The following CENPP variants were observed in gnomAD, a reference collection of about 807,000 sequenced individuals.
CENPP encodes centromere protein P.
CENPP carries 24 observed loss-of-function variants against 35.6 expected under a neutral mutation model. That is an observed-to-expected ratio of 0.67 (90% CI 0.49 to 0.95). The LOEUF is 0.95. Among genes scored for constraint, CENPP ranks in the 40% least tolerant of loss-of-function variants. CENPP has a pLI of 0.00. For missense variants in CENPP, 332 were observed against 345.3 expected (o/e 0.96, Z 0.31); for synonymous variants, 120 against 125.5 (o/e 0.96, Z 0.29).
At chr9:92,477,343 TG>T (rs1424926418) in intron 5 of CENPP, among the ~76,000 whole-genome samples, 1 of 152,178 alleles carries the variant, frequency 6.6e-6, no homozygotes, top group Admixed American at 6.5e-5. Flanking sequence ...TTAGGGCTGT[TG>T]TGTGGCTCCT....
At chr9:92,600,552 T>G in intron 5 of CENPP, 1 of 1,612,192 alleles carries the variant, frequency 6.2e-7, no homozygotes, top group South Asian at 1.1e-5. Flanking sequence ...CTGGGGCACA[T>G]GGAGAATGTT....
chr9:92,364,417 T>C (rs1170091637), intron 4 of CENPP, among the ~76,000 whole-genome samples: 1 of 152,210 alleles, frequency 6.6e-6, no homozygotes, highest in Non-Finnish European at 1.5e-5. Flanking sequence ...TTTTGAAAGA[T>C]ATCATTCTGG....
chr9:92,375,270 C>T (rs1380955300), intron 4 of CENPP, among the ~76,000 whole-genome samples: 1 of 151,582 alleles, frequency 6.6e-6, no homozygotes, highest in African/African-American at 2.4e-5. Flanking sequence ...TGGATAATTT[C>T]ACTTGACCTA....
intron 5 of CENPP, among the ~76,000 whole-genome samples, chr9:92,477,446 G>T (rs967577355): frequency 2.0e-5 from 3 of 152,142 alleles, no homozygotes; most frequent in African/African-American, 7.2e-5. Flanking sequence ...CTAAATCAAA[G>T]TTGGCCCCTG....
At chr9:92,334,301 A>C (rs1181385025) in intron 2 of CENPP, among the ~76,000 whole-genome samples, 1 of 151,988 alleles carries the variant, frequency 6.6e-6, no homozygotes, top group Non-Finnish European at 1.5e-5. Flanking sequence ...TTGTATTTTT[A>C]GTAGTGACGG....
At chr9:92,463,043 A>G (rs1389518174) in intron 5 of CENPP, among the ~76,000 whole-genome samples, 1 of 152,198 alleles carries the variant, frequency 6.6e-6, no homozygotes, top group African/African-American at 2.4e-5. Flanking sequence ...TCTAGGATAA[A>G]ACGAGCAGAG....
chr9:92,494,590 G>A (rs567021163), intron 5 of CENPP, among the ~76,000 whole-genome samples: 1 of 152,226 alleles, frequency 6.6e-6, no homozygotes, highest in Non-Finnish European at 1.5e-5. Context: ...TACCTATTAA[G>A]AAAGTAGGCT....
At chr9:92,408,725 G>T (rs1843371334) in intron 5 of CENPP, among the ~76,000 whole-genome samples, 1 of 152,162 alleles carries the variant, frequency 6.6e-6, no homozygotes, top group South Asian at 2.1e-4. Flanking sequence ...GCTAGTAGTT[G>T]CACCCCACCC....
chr9:92,434,075 A>G (rs1270274396), intron 5 of CENPP, among the ~76,000 whole-genome samples: 2 of 152,246 alleles, frequency 1.3e-5, no homozygotes, highest in East Asian at 1.9e-4. Context: ...ACAAAAATCC[A>G]TTTTATTTCT....
chr9:92,500,630 TC>T (rs1369745193), intron 5 of CENPP: 5 of 1,263,054 alleles, frequency 4.0e-6, no homozygotes, highest in African/African-American at 1.5e-5. Flanking sequence ...CATTTTTTTT[TC>T]CCTTAACGTA....
intron 5 of CENPP, among the ~76,000 whole-genome samples, chr9:92,537,992 G>T (rs1316654634): frequency 6.6e-6 from 1 of 152,162 alleles, no homozygotes; most frequent in Non-Finnish European, 1.5e-5. Flanking sequence ...ATGATATGCT[G>T]TGTTGGCCAG....
At chr9:92,422,273 C>T (rs145522966) in intron 5 of CENPP, among the ~76,000 whole-genome samples, 2,894 of 152,118 alleles carry the variant, frequency 0.019, 39 homozygotes, top group Non-Finnish European at 0.03. Flanking sequence ...AGCCTGGTCT[C>T]GAACTCCTGA....
At chr9:92,523,576 C>T (rs1376961079) in intron 5 of CENPP, among the ~76,000 whole-genome samples, 1 of 152,186 alleles carries the variant, frequency 6.6e-6, no homozygotes, top group Non-Finnish European at 1.5e-5. Context: ...TGAGTACAAT[C>T]ACTTAGATCT....
chr9:92,497,479 C>T (rs1005945974), intron 5 of CENPP, among the ~76,000 whole-genome samples: 5 of 152,050 alleles, frequency 3.3e-5, no homozygotes, highest in African/African-American at 1.2e-4. Context: ...ACAAAATTAG[C>T]TGGGCATGGT....
chr9:92,462,307 G>C (rs1845144680), intron 5 of CENPP, among the ~76,000 whole-genome samples: 1 of 152,128 alleles, frequency 6.6e-6, no homozygotes, highest in Non-Finnish European at 1.5e-5. Flanking sequence ...TAGTTTTTGT[G>C]TAAGCTAAGT....
chr9:92,412,530 C>T (rs1347977414), intron 5 of CENPP, among the ~76,000 whole-genome samples: 5 of 152,162 alleles, frequency 3.3e-5, no homozygotes, highest in Non-Finnish European at 7.4e-5. Flanking sequence ...TCCCATGATC[C>T]CCAGCTCTAG....
chr9:92,350,912 A>G (rs1232376216), intron 4 of CENPP, among the ~76,000 whole-genome samples: 1 of 152,096 alleles, frequency 6.6e-6, no homozygotes, highest in East Asian at 1.9e-4. Flanking sequence ...TAGCCTCCCA[A>G]AGTGTTTATC....
chr9:92,332,679 G>A (rs1840790552), intron 2 of CENPP, among the ~76,000 whole-genome samples: 1 of 152,072 alleles, frequency 6.6e-6, no homozygotes, highest in Non-Finnish European at 1.5e-5. Context: ...GTGTTGGTGG[G>A]CACCTGTAAT....
In CENPP at chr9:92,514,809, C is replaced by G. The variant is rs756344651; in HGVS notation, c.565-96505C>G. ...GCATTCGGAACATATCTCCTCTTAC[C>G]GGGTCCTCCTCGTCCTCCTCATCCT... is the stretch of plus-strand genomic sequence containing the variant. On this transcript the variant is annotated intron_variant, in intron 5 of 7. Coordinates refer to ENST00000375587, the MANE Select transcript of CENPP (RefSeq NM_001012267.3). The G allele has an allele frequency of 8.7e-5, 140 of 1,613,384 alleles. 1 individual carries two copies. The South Asian group carries it at 1.4e-3, about 16-fold the overall frequency.
Sources: allele counts gnomAD v4.1 joint callset (sites outside exome capture counted in the v4.1 genomes callset), GRCh38; gene constraint gnomAD v4.1.1; transcripts MANE v1.5; gene names NCBI Gene and HGNC (gene_info 2026-07-23, HGNC 2026-07-21).